The following MAST4 variants were observed in gnomAD, a reference collection of about 807,000 sequenced individuals.
MAST4 encodes the protein microtubule-associated serine/threonine-protein kinase 4.
MAST4 carries 89 observed loss-of-function variants against 162.7 expected under a neutral mutation model. The observed-to-expected ratio is 0.55, with a 90% CI of 0.46 to 0.65. The LOEUF is 0.65. Among genes scored for constraint, MAST4 ranks in the 30% least tolerant of loss-of-function variants. MAST4 has a pLI of 0.00. For synonymous variants in MAST4, 1,479 were observed against 1,361.1 expected, an observed-to-expected ratio of 1.09 and a Z score of -1.91; for missense variants, 3,153 against 3,374.0, an observed-to-expected ratio of 0.93 and a Z score of 1.62.
intron 3 of MAST4, among the ~76,000 whole-genome samples, chr5:66,825,547 C>T (rs897049460): frequency 8.8e-5 from 13 of 146,984 alleles, no homozygotes; most frequent in East Asian, 5.8e-4. Flanking sequence ...TCTCAATATA[C>T]GCTTTTTTGA....
chr5:66,996,304 T>C (rs1465121880), intron 4 of MAST4, among the ~76,000 whole-genome samples: 1 of 152,114 alleles, frequency 6.6e-6, no homozygotes, highest in East Asian at 1.9e-4. Flanking sequence ...ATATATACTT[T>C]GTTGATTTCC....
At chr5:66,673,205 A>G (rs1747717349) in intron 1 of MAST4, among the ~76,000 whole-genome samples, 2 of 152,076 alleles carry the variant, frequency 1.3e-5, no homozygotes, top group South Asian at 4.1e-4. Context: ...TGTCAGTTTT[A>G]TACATTTAAA....
chr5:67,003,472 C>G (rs1751520615), intron 4 of MAST4, among the ~76,000 whole-genome samples: 1 of 152,096 alleles, frequency 6.6e-6, no homozygotes, highest in African/African-American at 2.4e-5. Flanking sequence ...CAGCTTACAC[C>G]CCCTCTTCCT....
intron 3 of MAST4, among the ~76,000 whole-genome samples, chr5:66,847,643 AAACAAC>A (rs1022867136): frequency 6.6e-6 from 1 of 151,756 alleles, no homozygotes; most frequent in African/African-American, 2.4e-5. Flanking sequence ...TCAAAAAATA[AAACAAC>A]AACAACAACA....
At chr5:66,959,078 T>A in intron 4 of MAST4, 2 of 621,346 alleles carry the variant, frequency 3.2e-6, no homozygotes, top group Non-Finnish European at 5.8e-6. Flanking sequence ...CTGACATCTC[T>A]TGATTACGGC....
chr5:66,938,771 T>G (rs1561462128), intron 4 of MAST4, among the ~76,000 whole-genome samples: 4 of 152,148 alleles, frequency 2.6e-5, no homozygotes, highest in Admixed American at 1.3e-4. Context: ...GTTCTTCCAG[T>G]GTGAAACAAA....
chr5:67,132,754 G>C (rs777827364), intron 16 of MAST4, among the ~76,000 whole-genome samples: 1 of 151,906 alleles, frequency 6.6e-6, no homozygotes, highest in African/African-American at 2.4e-5. Flanking sequence ...CTTTAAGTAT[G>C]CTGAAAAGTT....
intron 1 of MAST4, among the ~76,000 whole-genome samples, chr5:66,684,157 G>C (rs1479601880): frequency 6.6e-6 from 1 of 152,170 alleles, no homozygotes; most frequent in East Asian, 1.9e-4. Flanking sequence ...GATGAAAGCT[G>C]GGGCAGTGCT....
chr5:67,110,211 C>G lies in MAST4; in HGVS notation c.1458+12C>G. ...TATTAGAGTGCCTGGTAAGTTGCCC[C>G]TTGATGTGACTACATTATTTATTGT... is the stretch of plus-strand genomic sequence containing the variant. On this transcript the variant is annotated intron_variant, in intron 11 of 28. Coordinates refer to ENST00000403625, the MANE Select transcript of MAST4 (RefSeq NM_001164664.2). 2 of 1,552,848 alleles carry G rather than the reference C, an allele frequency of 1.3e-6. No individual in the cohort carries two copies. The highest frequency in any genetic ancestry group is 1.8e-6 in the Non-Finnish European group (2 of 1,124,304).
chr5:66,962,099 A>G (rs939223379), intron 4 of MAST4, among the ~76,000 whole-genome samples: 1 of 152,198 alleles, frequency 6.6e-6, no homozygotes, highest in Non-Finnish European at 1.5e-5. Context: ...TAGGATTTGC[A>G]AACCATAGTA....
chr5:66,679,366 T>G (rs1748177762), intron 1 of MAST4, among the ~76,000 whole-genome samples: 1 of 152,160 alleles, frequency 6.6e-6, no homozygotes, highest in Non-Finnish European at 1.5e-5. Context: ...CTCCTCAGTT[T>G]CTGGTAGAAA....
intron 4 of MAST4, among the ~76,000 whole-genome samples, chr5:66,977,676 G>T (rs1187267389): frequency 6.6e-6 from 1 of 152,048 alleles, no homozygotes. Context: ...CTGCTCTTGG[G>T]TTTACATTAG....
chr5:66,747,504 C>T (rs1752842237), intron 1 of MAST4, among the ~76,000 whole-genome samples: 1 of 152,114 alleles, frequency 6.6e-6, no homozygotes, highest in Admixed American at 6.5e-5. Context: ...TTGCAGTGAA[C>T]AGTTAAATAG....
At chr5:67,075,161 G>GTTTT (rs35184662) in intron 5 of MAST4, among the ~76,000 whole-genome samples, 9 of 128,156 alleles carry the variant, frequency 7.0e-5, no homozygotes, top group South Asian at 2.7e-4. Flanking sequence ...ATTGGAATGA[G>GTTTT]TTTTTTTTTT....
chr5:67,092,688 C>G lies in MAST4; in HGVS notation c.833+2457C>G, dbSNP rs1438613571. On this transcript the variant is annotated intron_variant, in intron 6 of 28. Transcript: ENST00000403625. ...GCCCTCCAAGAAATGCTGTGAGTCT[C>G]TCCTAGTTCCCTAGTTATTATGCAC... Among the ~76,000 whole-genome samples the G allele has an allele frequency of 2.6e-5, 4 of 152,168 alleles. No individual in the cohort carries two copies. The East Asian group carries it at 7.7e-4, about 29-fold the overall frequency.
intron 5 of MAST4, among the ~76,000 whole-genome samples, chr5:67,078,974 A>G (rs1581475315): frequency 8.4e-6 from 1 of 119,148 alleles, no homozygotes; most frequent in Non-Finnish European, 1.7e-5. Flanking sequence ...TTATCTGTCA[A>G]ATTACCAAAA....
intron 4 of MAST4, among the ~76,000 whole-genome samples, chr5:66,994,048 C>A (rs1163057034): frequency 6.6e-6 from 1 of 151,478 alleles, no homozygotes; most frequent in Non-Finnish European, 1.5e-5. Flanking sequence ...AACTTTGTTT[C>A]ATGGGAGAGT....
intron 4 of MAST4, among the ~76,000 whole-genome samples, chr5:66,931,226 A>G (rs1176388271): frequency 1.3e-5 from 2 of 152,178 alleles, no homozygotes; most frequent in African/African-American, 4.8e-5. Context: ...ATAAAATGAC[A>G]TATTTTCTCA....
At chr5:66,626,342 AC>A (rs916930141) in intron 1 of MAST4, among the ~76,000 whole-genome samples, 1 of 152,200 alleles carries the variant, frequency 6.6e-6, no homozygotes, top group Admixed American at 6.5e-5. Context: ...ATCAAGTTGT[AC>A]CCCTTAAATA....
Sources: gnomAD v4.1 joint callset for allele counts (sites outside exome capture counted in the v4.1 genomes callset) on GRCh38, gnomAD v4.1.1 for gene constraint, MANE v1.5 for transcripts, NCBI Gene and HGNC (gene_info 2026-07-23, HGNC 2026-07-21) for gene names.